Variants in THBS4 observed in about 807,000 individuals in gnomAD.
THBS4 encodes the protein thrombospondin-4.
THBS4 carries 90 observed loss-of-function variants against 115.7 expected under a neutral mutation model. The observed-to-expected ratio is 0.78, with a 90% CI of 0.66 to 0.93. The LOEUF (loss-of-function observed/expected upper bound fraction) is 0.93, where lower values mean the gene tolerates loss of function less well. Among genes scored for constraint, THBS4 ranks in the 40% least tolerant of loss-of-function variants. THBS4 has a pLI of 0.00. For synonymous variants in THBS4, 460 were observed against 479.3 expected, an observed-to-expected ratio of 0.96 and a Z score of 0.53; for missense variants, 1,087 against 1,232.7, an observed-to-expected ratio of 0.88 and a Z score of 1.77.
At chr5:80,028,050 A>C (rs1832514996) in intron 2 of THBS4, among the ~76,000 whole-genome samples, 1 of 152,130 alleles carries the variant, frequency 6.6e-6, no homozygotes, top group Non-Finnish European at 1.5e-5. Flanking sequence ...CAAACTTCTT[A>C]AAAGTTAATC....
chr5:80,023,348 C>T (rs1344312797), intron 2 of THBS4, among the ~76,000 whole-genome samples: 2 of 152,204 alleles, frequency 1.3e-5, no homozygotes, highest in Non-Finnish European at 2.9e-5. Context: ...GAGTTTGGAG[C>T]TCAGTATTTG....
At chr5:80,021,074 G>A (rs1282140953) in intron 2 of THBS4, among the ~76,000 whole-genome samples, 3 of 152,158 alleles carry the variant, frequency 2.0e-5, no homozygotes, top group Admixed American at 1.3e-4. Flanking sequence ...TTGGGCCACA[G>A]AAGGAATTGC....
At chr5:80,068,394 C>T (rs1326991865) in intron 10 of THBS4, 1 of 393,842 alleles carries the variant, frequency 2.5e-6, no homozygotes, top group Non-Finnish European at 4.7e-6. Context: ...CCGGTGAAGC[C>T]CCAGCTCCCA....
chr5:80,001,245 T>A (rs990315370), intron 2 of THBS4, among the ~76,000 whole-genome samples: 2 of 149,860 alleles, frequency 1.3e-5, no homozygotes, highest in Non-Finnish European at 3.0e-5. Context: ...TCTTTGCACG[T>A]ACTACATATT....
At chr5:80,009,763 C>CA (rs960056186) in intron 2 of THBS4, among the ~76,000 whole-genome samples, 13 of 151,866 alleles carry the variant, frequency 8.6e-5, no homozygotes, top group Admixed American at 3.9e-4. Context: ...CAGGATAATG[C>CA]AAAAAAAATT....
At chr5:80,019,043 T>C (rs1832308374) in intron 2 of THBS4, among the ~76,000 whole-genome samples, 1 of 149,986 alleles carries the variant, frequency 6.7e-6, no homozygotes, top group South Asian at 2.1e-4. Context: ...CTGTGATTGT[T>C]TTTTTTTTTT....
intron 10 of THBS4, among the ~76,000 whole-genome samples, chr5:80,069,975 C>T (rs369277070): frequency 2.6e-5 from 4 of 152,310 alleles, no homozygotes; most frequent in Admixed American, 6.5e-5. Flanking sequence ...CTTTACCTCC[C>T]GTCCCAGGTC....
chr5:80,027,924 A>G (rs1055955801), intron 2 of THBS4, among the ~76,000 whole-genome samples: 1 of 151,006 alleles, frequency 6.6e-6, no homozygotes, highest in Non-Finnish European at 1.5e-5. Context: ...AAAGGAAGAA[A>G]AAACCTAAAA....
chr5:80,009,274 G>A (rs888736604), intron 2 of THBS4, among the ~76,000 whole-genome samples: 2 of 152,274 alleles, frequency 1.3e-5, no homozygotes, highest in South Asian at 4.1e-4. Context: ...AATTATATGT[G>A]TGTGTCCAAA....
At chr5:80,047,046 C>G (rs1833089493) in intron 2 of THBS4, among the ~76,000 whole-genome samples, 1 of 152,202 alleles carries the variant, frequency 6.6e-6, no homozygotes, top group African/African-American at 2.4e-5. Context: ...TGTGAGACAT[C>G]TGTCCTAAGA....
chr5:80,047,935 G>A (rs902470937), intron 2 of THBS4, among the ~76,000 whole-genome samples: 4 of 151,708 alleles, frequency 2.6e-5, no homozygotes, highest in South Asian at 2.1e-4. Flanking sequence ...ATGAGCCACC[G>A]CACCCAGCCA....
At chr5:80,070,106 A>G (rs1833978824) in intron 10 of THBS4, among the ~76,000 whole-genome samples, 200 bp from the exon 11 acceptor site, 1 of 125,354 alleles carries the variant, frequency 8.0e-6, no homozygotes, top group African/African-American at 3.2e-5. Context: ...TTTCTCTCTG[A>G]GTCTCCCTTT....
intron 1 of THBS4, chr5:79,998,263 G>A (rs1428608856): frequency 6.6e-6 from 1 of 152,230 alleles, no homozygotes; most frequent in African/African-American, 2.4e-5. Flanking sequence ...ATAATAATGA[G>A]TTCTCATGAG....
chr5:80,058,598 G>A (rs1833511628), intron 4 of THBS4, 110 bp from the exon 5 acceptor site: 2 of 965,382 alleles, frequency 2.1e-6, no homozygotes, highest in Non-Finnish European at 1.6e-6. Flanking sequence ...AAGATTCTGG[G>A]TTTTTGAATC....
chr5:80,082,620 C>G (rs1743575630), intron 21 of THBS4, 75 bp downstream of exon 21: 1 of 1,558,646 alleles, frequency 6.4e-7, no homozygotes, highest in Non-Finnish European at 8.7e-7. Flanking sequence ...TTTTATACCG[C>G]ACTTCCCCCC....
upstream of THBS4, among the ~76,000 whole-genome samples, chr5:80,034,906 G>T (rs560873901): frequency 1.3e-5 from 2 of 152,266 alleles, no homozygotes; most frequent in South Asian, 4.1e-4. Context: ...GGATTCATTC[G>T]CAAGGGAACC....
Position 80,071,782 on chromosome 5 carries a change from C to A in THBS4, c.1721-496C>A, listed in dbSNP as rs370136663. The stretch of plus-strand genomic sequence containing the variant: ...ATTTCCAGTGGTATATGCTGGTAAG[C>A]AAATCACAGAAAGCCCTAGTTGGTA... On this transcript the variant is annotated intron_variant, in intron 13 of 21. Transcript: ENST00000350881. 5.3e-4 allele frequency: 91 copies of A among 170,988 alleles called. 1 individual carries two copies. The highest frequency in any genetic ancestry group is 2.0e-3 in the African/African-American group (86 of 42,248). The allele number at this position is 170,988 out of a possible 1,614,324, so 10.6% of individuals were successfully genotyped here. A position where few individuals can be genotyped will look rare whatever the true frequency, so the allele number is the denominator to read the frequency against.
intron 2 of THBS4, among the ~76,000 whole-genome samples, chr5:80,006,851 A>G (rs1322463085): frequency 1.3e-5 from 2 of 152,252 alleles, no homozygotes; most frequent in African/African-American, 4.8e-5. Flanking sequence ...CAATCTATGC[A>G]TGTAACAAAA....
At chr5:80,015,526 C>T (rs142091097) in intron 2 of THBS4, among the ~76,000 whole-genome samples, 340 of 152,342 alleles carry the variant, frequency 2.2e-3, no homozygotes, top group Middle Eastern at 3.4e-3. Flanking sequence ...AGTCCATGTT[C>T]TGGTGCCGAT....
Sources: allele counts gnomAD v4.1 joint callset (sites outside exome capture counted in the v4.1 genomes callset), GRCh38; gene constraint gnomAD v4.1.1; transcripts MANE v1.5; gene names NCBI Gene and HGNC (gene_info 2026-07-23, HGNC 2026-07-21).